The following BRWD3 variants were observed in gnomAD, a reference collection of about 807,000 sequenced individuals.
BRWD3 encodes bromodomain and WD repeat-containing protein 3.
In BRWD3, 10 loss-of-function variants were observed where a neutral mutation model predicts 149.7. That is an observed-to-expected ratio of 0.07 (90% CI 0.04 to 0.11). The LOEUF (loss-of-function observed/expected upper bound fraction) is 0.11. Among genes scored for constraint, BRWD3 ranks in the 10% least tolerant of loss-of-function variants. The probability of loss-of-function intolerance (pLI) is 1.00; values close to 1 mark genes in which losing one functional copy is unlikely to be tolerated. For missense variants in BRWD3, 940 were observed against 1,373.2 expected (o/e 0.68, Z 4.99); for synonymous variants, 504 against 456.7 (o/e 1.10, Z -1.32).
At chrX:80,731,910 A>T (rs2073338978) in intron 12 of BRWD3, among the ~76,000 whole-genome samples, 1 of 106,823 alleles carries the variant, frequency 9.4e-6, no homozygotes, top group South Asian at 4.1e-4. Flanking sequence ...AAAAAAAAAA[A>T]AAAAAAAAAG....
chrX:80,690,141 A>G, intron 31 of BRWD3, 49 bp from the exon 32 acceptor site: 1 of 1,150,075 alleles, frequency 8.7e-7, no homozygotes. Flanking sequence ...TATTTAAAGT[A>G]TATTTTAGGA....
chrX:80,702,335 A>G (rs147449377), intron 24 of BRWD3, among the ~76,000 whole-genome samples: 63 of 112,455 alleles, frequency 5.6e-4, no homozygotes, highest in African/African-American at 1.9e-3. Flanking sequence ...GAATTCCACC[A>G]AAGAATGGAG....
chrX:80,706,147 C>G (rs2072860964), intron 22 of BRWD3, among the ~76,000 whole-genome samples: 1 of 110,000 alleles, frequency 9.1e-6, no homozygotes, highest in Admixed American at 9.8e-5. Flanking sequence ...TCACTCTTGT[C>G]GCACAGGCTG....
intron 6 of BRWD3, among the ~76,000 whole-genome samples, chrX:80,772,621 A>G (rs1236107100): frequency 9.0e-6 from 1 of 111,461 alleles, no homozygotes; most frequent in Non-Finnish European, 1.9e-5. Context: ...TATAATTTAA[A>G]AAAAAATAAA....
intron 10 of BRWD3, 22 bp downstream of exon 10, chrX:80,735,105 A>C (rs2073384707): frequency 8.6e-7 from 1 of 1,158,986 alleles, no homozygotes; most frequent in East Asian, 3.0e-5. Context: ...AGATGCTCAA[A>C]ACATTCCAGT....
intron 4 of BRWD3, among the ~76,000 whole-genome samples, chrX:80,796,991 T>C (rs150502079): frequency 0.023 from 2,557 of 110,886 alleles, 60 homozygotes; most frequent in African/African-American, 0.08. Flanking sequence ...CTGGTAAACA[T>C]AGCACCACCC....
At chrX:80,756,833 C>G (rs1270415045) in intron 6 of BRWD3, among the ~76,000 whole-genome samples, 1 of 111,933 alleles carries the variant, frequency 8.9e-6, no homozygotes, top group African/African-American at 3.2e-5. Flanking sequence ...TGAACACACA[C>G]ATACACACTT....
chrX:80,688,233 C>A (rs2072560911), intron 33 of BRWD3, 108 bp from the exon 34 acceptor site: 1 of 624,086 alleles, frequency 1.6e-6, no homozygotes, highest in African/African-American at 2.2e-5. Context: ...GTTAACTTTC[C>A]CCACTGGAGC....
rs773424146 is a variant in BRWD3, at chrX:80,703,458, G to T, written c.2835+22C>A. 1.8e-5 allele frequency: 19 copies of T among 1,070,217 alleles called. No homozygotes were observed. The East Asian group carries it at 5.8e-4, about 33-fold the overall frequency. 88.2% of individuals were successfully genotyped at this position (1,070,217 alleles called of 1,213,427 possible). Reference sequence around the variant, plus strand: ...GTGCTCTTGAGGCTCCACAGAAAAAGGTTATAACAGGTAATAATTACCTCA... The same window carrying T: ...GTGCTCTTGAGGCTCCACAGAAAAATGTTATAACAGGTAATAATTACCTCA... On this transcript the variant is annotated intron_variant, in intron 24 of 40. Coordinates refer to ENST00000373275, the MANE Select transcript of BRWD3 (RefSeq NM_153252.5).
chrX:80,776,694 C>T (rs1457893183), intron 6 of BRWD3, among the ~76,000 whole-genome samples: 1 of 111,549 alleles, frequency 9.0e-6, no homozygotes, highest in Admixed American at 9.5e-5. Flanking sequence ...CATGAAGACT[C>T]CCTCTCGAGT....
chrX:80,763,506 C>T (rs1177457371), intron 6 of BRWD3, among the ~76,000 whole-genome samples: 2 of 111,717 alleles, frequency 1.8e-5, no homozygotes, highest in African/African-American at 6.5e-5. Context: ...TGTTTAAAAA[C>T]TACTAGAAAT....
chrX:80,809,450 T>A lies in BRWD3; in HGVS notation c.22A>T (p.Ile8Phe). The change falls in exon 1 of 41, where the codon ATC becomes TTC. Residue 8 changes from isoleucine (I) to phenylalanine (F), a missense_variant. Coordinates refer to ENST00000373275, the MANE Select transcript of BRWD3 (RefSeq NM_153252.5). Reference sequence around the variant, plus strand: ...CGACACAGCTACCCACCGGCTTCGATCTGGGTAGGTGCTGCCGCCATCCTT... The same window carrying A: ...CGACACAGCTACCCACCGGCTTCGAACTGGGTAGGTGCTGCCGCCATCCTT... MAAAPTQ[I>F]EAELYYLIAR... 1 of 1,167,895 alleles carries A rather than the reference T, an allele frequency of 8.6e-7. No homozygotes were observed. The highest frequency in any genetic ancestry group is 1.1e-6 in the Non-Finnish European group (1 of 871,301).
At chrX:80,709,641 A>G in intron 20 of BRWD3, 64 bp from the exon 21 acceptor site, 1 of 1,052,826 alleles carries the variant, frequency 9.5e-7, no homozygotes, top group African/African-American at 1.9e-5. Flanking sequence ...CAAGGAACAT[A>G]TATAAAGCAA....
rs1434864151 is a variant in BRWD3 at position 80,669,583 on chromosome X, A to G, written c.*7026T>C. 8.9e-6 allele frequency among the ~76,000 whole-genome samples: 1 copy of G among 112,135 alleles called. No individual in the cohort carries two copies. The highest frequency in any genetic ancestry group is 1.9e-5 in the Non-Finnish European group (1 of 53,197). ...CAAATGATCTATTACACAATTTGTTATGCAAATTTCATTTAAACATATTGT... is the reference window on the plus strand; with the variant it reads ...CAAATGATCTATTACACAATTTGTTGTGCAAATTTCATTTAAACATATTGT... On this transcript the variant is annotated 3_prime_UTR_variant, in exon 41 of 41. Coordinates refer to ENST00000373275, the MANE Select transcript of BRWD3 (RefSeq NM_153252.5).
intron 6 of BRWD3, among the ~76,000 whole-genome samples, chrX:80,776,662 T>C (rs970653513): frequency 1.8e-5 from 2 of 111,529 alleles, no homozygotes; most frequent in Non-Finnish European, 3.8e-5. Flanking sequence ...TTTCCTAAGG[T>C]CATGTGGCAG....
In BRWD3 at chrX:80,676,549, G is replaced by A. The variant is rs1463993387; in HGVS notation, c.*60C>T. The A allele has an allele frequency of 8.5e-7, 1 of 1,173,578 alleles. No homozygotes were observed. The highest frequency in any genetic ancestry group is 1.2e-6 in the Non-Finnish European group (1 of 867,498). On this transcript the variant is annotated 3_prime_UTR_variant, in exon 41 of 41. Coordinates refer to ENST00000373275, the MANE Select transcript of BRWD3 (RefSeq NM_153252.5). ...CACAACTTGCTTTGTAGATTTCCTG[G>A]TAAATTCCCTGCAGTAGAAGGCCAT...
At chrX:80,740,420 T>C (rs1405886224) in intron 8 of BRWD3, among the ~76,000 whole-genome samples, 3 of 112,140 alleles carry the variant, frequency 2.7e-5, no homozygotes, top group Non-Finnish European at 5.6e-5. Flanking sequence ...TGGACAATTA[T>C]TAAAAGAAGC....
rs780146071 is a variant in BRWD3 at position 80,670,390 on chromosome X, A to G, written c.*6219T>C. Among the ~76,000 whole-genome samples, 1 of 110,817 alleles carries G rather than the reference A, an allele frequency of 9.0e-6. No homozygotes were observed. Among genetic ancestry groups the G allele is most frequent in the African/African-American group, 3.3e-5 (1 of 30,478 alleles). On this transcript the variant is annotated 3_prime_UTR_variant, in exon 41 of 41. Transcript: ENST00000373275. ...AAAGTAGCTTTAAATTGTCAAGAAC[A>G]TATAATTGAGAGAGGATGGAGAGCA...
At chrX:80,709,822 A>G in intron 20 of BRWD3, 1 of 473,807 alleles carries the variant, frequency 2.1e-6, no homozygotes, top group East Asian at 3.7e-5. Context: ...TCTGGGTTGC[A>G]AAGTCCCACA....
Sources: gnomAD v4.1 joint callset for allele counts (sites outside exome capture counted in the v4.1 genomes callset) on GRCh38, gnomAD v4.1.1 for gene constraint, MANE v1.5 for transcripts, NCBI Gene and HGNC (gene_info 2026-07-23, HGNC 2026-07-21) for gene names.